MOSPD2: variants seen among roughly 807,000 people sequenced by gnomAD.
MOSPD2 encodes motile sperm domain containing 2, also known as motile sperm domain-containing protein 2.
MOSPD2 carries 5 observed loss-of-function variants against 41.7 expected under a neutral mutation model. The observed-to-expected ratio is 0.12, with a 90% CI of 0.06 to 0.25. MOSPD2 has a LOEUF of 0.25. Ranked by LOEUF, MOSPD2 falls within the 10% of genes least tolerant of loss-of-function variation. The probability of loss-of-function intolerance (pLI) is 1.00; values close to 1 mark genes in which losing one functional copy is unlikely to be tolerated. For missense variants in MOSPD2, 282 were observed against 375.2 expected (o/e 0.75, Z 2.05); for synonymous variants, 115 against 126.9 (o/e 0.91, Z 0.63).
intron 2 of MOSPD2, among the ~76,000 whole-genome samples, chrX:14,888,544 T>C (rs760000740): frequency 1.8e-5 from 2 of 111,549 alleles, no homozygotes; most frequent in South Asian, 3.8e-4. Context: ...GAGGCCTCCC[T>C]AGCCATGTGG....
intron 13 of MOSPD2, among the ~76,000 whole-genome samples, chrX:14,917,153 A>C (rs780304287): frequency 2.7e-5 from 3 of 111,933 alleles, no homozygotes; most frequent in South Asian, 7.5e-4. Context: ...TCCCCCAAAA[A>C]TGATCTGGCC....
rs901614437 is a variant in MOSPD2 at position 14,890,066 on chromosome X, A to C, written c.80-2657A>C. ...ATTTTCATAATAATGCTAAGATATC[A>C]TTTGCCTTTTTCACTTTCTTTACAT... On this transcript the variant is annotated intron_variant, in intron 2 of 14. Coordinates refer to ENST00000380492, the MANE Select transcript of MOSPD2 (RefSeq NM_152581.4). Among the ~76,000 whole-genome samples the C allele has an allele frequency of 2.7e-5, 3 of 111,756 alleles. No homozygotes were observed. The East Asian group carries it at 8.4e-4, about 31-fold the overall frequency.
At position 14,919,844 on chromosome X, in the gene MOSPD2, G is replaced by A. The variant is rs758083532; in HGVS notation, c.*35G>A. Reference sequence around the variant, plus strand: ...GCCGGGTAGGAACCACGGTTCCTTCGTCCATTAGTTGGAAAAAGTAACAGA... The same window carrying A: ...GCCGGGTAGGAACCACGGTTCCTTCATCCATTAGTTGGAAAAAGTAACAGA... On this transcript the variant is annotated 3_prime_UTR_variant, in exon 15 of 15. Coordinates refer to ENST00000380492, the MANE Select transcript of MOSPD2 (RefSeq NM_152581.4). The A allele has an allele frequency of 1.5e-5, 18 of 1,176,198 alleles. No individual in the cohort carries two copies. The highest frequency in any genetic ancestry group is 7.8e-5 in the South Asian group (4 of 51,070).
At chrX:14,882,526 T>C (rs2092533301) in intron 2 of MOSPD2, among the ~76,000 whole-genome samples, 1 of 112,001 alleles carries the variant, frequency 8.9e-6, no homozygotes, top group South Asian at 3.7e-4. Flanking sequence ...AATAAGTATG[T>C]GAAGTAATGC....
At chrX:14,916,057 A>C in intron 12 of MOSPD2, 140 bp from the exon 13 acceptor site, 1 of 1,008,059 alleles carries the variant, frequency 9.9e-7, no homozygotes, top group South Asian at 2.2e-5. Flanking sequence ...TCACTTTTAG[A>C]ACTTTTTCCT....
chrX:14,910,959 C>CACACAA (rs2092590664), intron 8 of MOSPD2, among the ~76,000 whole-genome samples: 1 of 110,048 alleles, frequency 9.1e-6, no homozygotes, highest in South Asian at 3.7e-4. Flanking sequence ...CACACACACA[C>CACACAA]AAACAACATA....
At chrX:14,873,810 C>T (rs774239537) in intron 2 of MOSPD2, 52 bp downstream of exon 2, 20 of 1,031,716 alleles carry the variant, frequency 1.9e-5, no homozygotes, top group Non-Finnish European at 2.6e-5. Flanking sequence ...GCATCCCCAA[C>T]TTTGCTGGAG....
At chrX:14,916,676 C>A (rs1312902348) in intron 13 of MOSPD2, among the ~76,000 whole-genome samples, 1 of 112,137 alleles carries the variant, frequency 8.9e-6, no homozygotes, top group Admixed American at 9.4e-5. Flanking sequence ...ACCAGTAAAG[C>A]AATAGTGAGA....
intron 5 of MOSPD2, among the ~76,000 whole-genome samples, chrX:14,898,366 C>A (rs948137805): frequency 8.6e-5 from 9 of 104,566 alleles, no homozygotes; most frequent in African/African-American, 3.2e-4. Context: ...GTATTCTATA[C>A]CATGGTGATA....
At position 14,886,129 on chromosome X, in the gene MOSPD2, G is replaced by A. The variant is rs762089615; in HGVS notation, c.80-6594G>A. Reference sequence around the variant, plus strand: ...CTATTTGAGGAGCTCCTCTCAAAATGACTGACTCTTACTATTATCCTATTA... The same window carrying A: ...CTATTTGAGGAGCTCCTCTCAAAATAACTGACTCTTACTATTATCCTATTA... On this transcript the variant is annotated intron_variant, in intron 2 of 14. Transcript: ENST00000380492. Among the ~76,000 whole-genome samples, 8 of 111,271 alleles carry A rather than the reference G, an allele frequency of 7.2e-5. No homozygotes were observed. The East Asian group carries it at 2.3e-3, about 32-fold the overall frequency.
At chrX:14,886,162 T>C (rs1569100503) in intron 2 of MOSPD2, among the ~76,000 whole-genome samples, 1 of 111,239 alleles carries the variant, frequency 9.0e-6, no homozygotes, top group East Asian at 2.8e-4. Flanking sequence ...TTAGTTTTGA[T>C]GAAATTGGGT....
intron 2 of MOSPD2, among the ~76,000 whole-genome samples, chrX:14,883,142 C>T (rs997076735): frequency 9.1e-6 from 1 of 109,657 alleles, no homozygotes; most frequent in African/African-American, 3.3e-5. Context: ...TGCAGTGAGC[C>T]AAGATCGTGC....
chrX:14,908,978 T>C lies in MOSPD2; in HGVS notation c.696T>C (p.Gly232=), dbSNP rs1360975021. Residue 232 remains glycine (G), a synonymous_variant, in exon 8 of 15, where the codon GGT becomes GGC. Transcript: ENST00000380492. ...TAGAATACCTGCCTCCCCACATGGG[T>C]GGAACTGTAAGTATTTGAAACTTGT... ...VSVEYLPPHM[G]GTDPFKYSYP... is the part of the protein sequence containing the mutation. The C allele has an allele frequency of 1.7e-6, 2 of 1,149,199 alleles. No individual in the cohort carries two copies. The highest frequency in any genetic ancestry group is 6.2e-5 in the East Asian group (2 of 32,295). 94.7% of individuals were successfully genotyped at this position (1,149,199 alleles called of 1,213,427 possible).
At chrX:14,914,924 G>A (rs1018783760) in intron 11 of MOSPD2, among the ~76,000 whole-genome samples, 1 of 111,863 alleles carries the variant, frequency 8.9e-6, no homozygotes, top group Admixed American at 9.5e-5. Flanking sequence ...TATAATAACA[G>A]TGAAACATAA....
At chrX:14,913,083 T>C (rs1276950156) in intron 10 of MOSPD2, among the ~76,000 whole-genome samples, 1 of 112,261 alleles carries the variant, frequency 8.9e-6, no homozygotes, top group Admixed American at 9.5e-5. Context: ...TTTTGATTAC[T>C]GTTATATTTG....
At chrX:14,893,841 C>T (rs903235308) in intron 3 of MOSPD2, among the ~76,000 whole-genome samples, 2 of 112,453 alleles carry the variant, frequency 1.8e-5, no homozygotes, top group African/African-American at 6.5e-5. Flanking sequence ...TATTTTTAAA[C>T]GATTTAAGTA....
intron 2 of MOSPD2, chrX:14,874,345 G>C (rs920245591): frequency 4.4e-5 from 5 of 112,763 alleles, no homozygotes; most frequent in African/African-American, 1.6e-4. Context: ...ACAGATACTT[G>C]AGTTGTCAGG....
chrX:14,877,842 G>A (rs941039602), intron 2 of MOSPD2, among the ~76,000 whole-genome samples: 16 of 106,589 alleles, frequency 1.5e-4, no homozygotes, highest in African/African-American at 2.7e-4. Context: ...TTAGCTGGGC[G>A]TGGTGGTGGG....
chrX:14,915,589 T>A (rs1040211969), intron 11 of MOSPD2, 79 bp from the exon 12 acceptor site: 6 of 588,341 alleles, frequency 1.0e-5, no homozygotes, highest in East Asian at 8.4e-5. Flanking sequence ...TAAAAATAAA[T>A]TTTTTTAAAG....
Sources: gnomAD v4.1 joint callset for allele counts (sites outside exome capture counted in the v4.1 genomes callset) on GRCh38, gnomAD v4.1.1 for gene constraint, MANE v1.5 for transcripts, NCBI Gene and HGNC (gene_info 2026-07-23, HGNC 2026-07-21) for gene names.